Variants in TTLL11 observed in about 807,000 individuals in gnomAD.
TTLL11 encodes tubulin polyglutamylase TTLL11.
In TTLL11, 42 loss-of-function variants were observed where a neutral mutation model predicts 51.7. The ratio of observed to expected loss-of-function variants is 0.81; its 90% CI spans 0.64 to 1.05. The LOEUF is 1.05. TTLL11 is among the 50% of genes least tolerant of loss of function. The pLI is 0.00. For missense variants in TTLL11, 799 were observed against 940.4 expected (o/e 0.85, Z 1.97); for synonymous variants, 381 against 383.5 (o/e 0.99, Z 0.08).
chr9:121,980,342 A>T (rs1242907974), intron 4 of TTLL11, among the ~76,000 whole-genome samples: 1 of 152,214 alleles, frequency 6.6e-6, no homozygotes, highest in African/African-American at 2.4e-5. Flanking sequence ...ACTATAAAAT[A>T]AGGAAATATC....
intron 1 of TTLL11, among the ~76,000 whole-genome samples, chr9:122,051,900 C>A (rs965008173): frequency 1.3e-5 from 2 of 151,882 alleles, no homozygotes; most frequent in Non-Finnish European, 2.9e-5. Context: ...ACCTCGAGAC[C>A]AAATTAGAAA....
At chr9:122,011,460 A>G (rs1043412540) in intron 3 of TTLL11, among the ~76,000 whole-genome samples, 2 of 152,204 alleles carry the variant, frequency 1.3e-5, no homozygotes, top group Non-Finnish European at 2.9e-5. Context: ...ATGCCCCATA[A>G]CTAGTGTGTG....
intron 8 of TTLL11, among the ~76,000 whole-genome samples, chr9:121,826,557 G>GTATATATATATATATATGTGTA (rs1836807594): frequency 1.9e-5 from 1 of 51,346 alleles, no homozygotes; most frequent in Non-Finnish European, 3.9e-5. Context: ...ATATGTGTGT[G>GTATATATATATATATATGTGTA]TATATATATA....
At chr9:121,910,738 C>T (rs2131499102) in intron 6 of TTLL11, among the ~76,000 whole-genome samples, 1 of 152,228 alleles carries the variant, frequency 6.6e-6, no homozygotes, top group African/African-American at 2.4e-5. Context: ...AAATTCTTTC[C>T]TGTAAATGAA....
chr9:121,892,610 G>C (rs1208930851), intron 6 of TTLL11, among the ~76,000 whole-genome samples: 1 of 152,034 alleles, frequency 6.6e-6, no homozygotes, highest in Non-Finnish European at 1.5e-5. Context: ...ATTTGGGTGG[G>C]GACACAGAGC....
At chr9:121,827,175 T>C (rs1476680892) in intron 8 of TTLL11, among the ~76,000 whole-genome samples, 1 of 152,170 alleles carries the variant, frequency 6.6e-6, no homozygotes, top group Non-Finnish European at 1.5e-5. Flanking sequence ...CTTCTCTTGT[T>C]TTATTTCTTA....
At chr9:121,877,727 C>T (rs964245618) in intron 6 of TTLL11, among the ~76,000 whole-genome samples, 6 of 152,186 alleles carry the variant, frequency 3.9e-5, no homozygotes, top group Non-Finnish European at 5.9e-5. Context: ...TGATAAAATC[C>T]TATGAAGCAG....
intron 6 of TTLL11, among the ~76,000 whole-genome samples, chr9:121,892,998 T>C (rs1408319318): frequency 6.6e-6 from 1 of 152,176 alleles, no homozygotes; most frequent in Non-Finnish European, 1.5e-5. Flanking sequence ...TACAGACTAA[T>C]TCACAACCTA....
chr9:121,859,075 C>A (rs561610946), intron 8 of TTLL11, among the ~76,000 whole-genome samples: 1 of 152,250 alleles, frequency 6.6e-6, no homozygotes, highest in African/African-American at 2.4e-5. Context: ...TGAAATGAGA[C>A]TCATAATGCC....
intron 1 of TTLL11, among the ~76,000 whole-genome samples, chr9:122,091,940 G>A (rs985716413): frequency 4.6e-5 from 7 of 152,140 alleles, no homozygotes; most frequent in South Asian, 2.1e-4. Context: ...GACACATGCC[G>A]TAAGCCAAGC....
intron 6 of TTLL11, among the ~76,000 whole-genome samples, chr9:121,961,253 C>A (rs892965283): frequency 6.6e-6 from 1 of 152,174 alleles, no homozygotes; most frequent in Non-Finnish European, 1.5e-5. Context: ...AAAAAGAAAC[C>A]CTTTCAGCTT....
At chr9:121,997,338 C>A (rs763259136) in intron 3 of TTLL11, among the ~76,000 whole-genome samples, 1 of 152,236 alleles carries the variant, frequency 6.6e-6, no homozygotes, top group East Asian at 1.9e-4. Context: ...CACAGCCTGG[C>A]GAGTCAGCCC....
intron 2 of TTLL11, among the ~76,000 whole-genome samples, chr9:122,034,731 G>A (rs930198728): frequency 3.9e-5 from 6 of 152,198 alleles, no homozygotes; most frequent in African/African-American, 9.7e-5. Context: ...AGCGTAGCAG[G>A]GTTTCTAGCT....
At chr9:122,022,704 C>T (rs1346400507) in intron 3 of TTLL11, among the ~76,000 whole-genome samples, 1 of 151,852 alleles carries the variant, frequency 6.6e-6, no homozygotes, top group Non-Finnish European at 1.5e-5. Context: ...ATACAGAACA[C>T]TGGAAATGGT....
At chr9:121,955,663 C>T (rs1273576126) in intron 6 of TTLL11, among the ~76,000 whole-genome samples, 1 of 152,190 alleles carries the variant, frequency 6.6e-6, no homozygotes, top group Non-Finnish European at 1.5e-5. Flanking sequence ...AGTCCTTTGC[C>T]TTTTCCACTG....
At chr9:121,891,179 G>A (rs1839216882) in intron 6 of TTLL11, among the ~76,000 whole-genome samples, 1 of 152,174 alleles carries the variant, frequency 6.6e-6, no homozygotes, top group Non-Finnish European at 1.5e-5. Flanking sequence ...ACCAGGGCAG[G>A]AAGACCTTGC....
At chr9:122,077,589 A>G (rs184344129) in intron 1 of TTLL11, among the ~76,000 whole-genome samples, 1 of 152,294 alleles carries the variant, frequency 6.6e-6, no homozygotes, top group East Asian at 1.9e-4. Context: ...AACTCTTAAT[A>G]GATCAGACAA....
chr9:121,913,249 T>A (rs1004259475), intron 6 of TTLL11, among the ~76,000 whole-genome samples: 2 of 152,086 alleles, frequency 1.3e-5, no homozygotes, highest in Non-Finnish European at 2.9e-5. Flanking sequence ...ACTTAGAGTC[T>A]TTTTTTTAAT....
chr9:121,997,474 AC>A (rs1351543568), intron 3 of TTLL11, among the ~76,000 whole-genome samples: 4 of 151,950 alleles, frequency 2.6e-5, no homozygotes, highest in African/African-American at 4.8e-5. Context: ...CTTCCTAAGG[AC>A]CCTGGGTGAC....
Sources: gnomAD v4.1 joint callset for allele counts (sites outside exome capture counted in the v4.1 genomes callset) on GRCh38, gnomAD v4.1.1 for gene constraint, MANE v1.5 for transcripts, NCBI Gene and HGNC (gene_info 2026-07-23, HGNC 2026-07-21) for gene names.